Variants in HIVEP3 observed in about 807,000 individuals in gnomAD.
HIVEP3 encodes the protein transcription factor HIVEP3.
HIVEP3 carries 49 observed loss-of-function variants against 152.8 expected under a neutral mutation model. The ratio of observed to expected loss-of-function variants is 0.32; its 90% confidence interval spans 0.26 to 0.41. The LOEUF is 0.41. Ranked by LOEUF, HIVEP3 falls within the 10% of genes least tolerant of loss-of-function variation. The probability of loss-of-function intolerance (pLI) is 1.00; values close to 1 mark genes in which losing one functional copy is unlikely to be tolerated. For synonymous variants in HIVEP3, 1,269 were observed against 1,289.0 expected, an observed-to-expected ratio of 0.98 and a Z score of 0.33; for missense variants, 2,790 against 3,103.3, an observed-to-expected ratio of 0.90 and a Z score of 2.40.
intron 1 of HIVEP3, among the ~76,000 whole-genome samples, chr1:41,769,869 T>C (rs1355766642): frequency 6.6e-6 from 1 of 152,174 alleles, no homozygotes; most frequent in Non-Finnish European, 1.5e-5. Flanking sequence ...AAGTAATAAA[T>C]GAAAAATTGA....
chr1:41,582,453 G>A lies in HIVEP3; in HGVS notation c.2345C>T (p.Ser782Phe). Reference sequence around the variant, plus strand: ...CCTCTCCTTCCCTGATTCTGAACCGGACCCTGGCTTGGGAGTCCTTGGCTG... The same window carrying A: ...CCTCTCCTTCCCTGATTCTGAACCGAACCCTGGCTTGGGAGTCCTTGGCTG... ...GFQPRTPKPG[S>F]GSESGKERRT... Residue 782 changes from serine to phenylalanine, a missense_variant, in exon 4 of 9, where the codon TCC (serine) becomes TTC (phenylalanine). Physicochemically the swap from Ser to Phe is radical, Grantham distance 155. Transcript: ENST00000372583. This position sits in a 1 kb window ranked among gnomAD's most constrained non-coding sequence, Gnocchi z 4.7. The A allele has an allele frequency of 6.2e-7, 1 of 1,614,062 alleles. No homozygotes were observed. The highest frequency in any genetic ancestry group is 2.2e-5 in the East Asian group (1 of 44,884).
chr1:41,647,766 C>A (rs1047359168), intron 2 of HIVEP3, among the ~76,000 whole-genome samples: 1 of 152,260 alleles, frequency 6.6e-6, no homozygotes, highest in African/African-American at 2.4e-5. Context: ...CAAGTCCCTA[C>A]AAAGTCCCAA....
At chr1:41,654,615 T>A (rs1009122472) in intron 2 of HIVEP3, among the ~76,000 whole-genome samples, 1 of 152,254 alleles carries the variant, frequency 6.6e-6, no homozygotes, top group South Asian at 2.1e-4. Context: ...TTAACATTGG[T>A]ACATTACTAG....
At chr1:41,682,994 G>A (rs917253411) in intron 2 of HIVEP3, among the ~76,000 whole-genome samples, 2 of 152,250 alleles carry the variant, frequency 1.3e-5, no homozygotes, top group African/African-American at 4.8e-5. Flanking sequence ...TCTAAACTGG[G>A]TCTTAAATGA....
intron 1 of HIVEP3, among the ~76,000 whole-genome samples, chr1:41,807,206 A>T (rs558082834): frequency 6.6e-6 from 1 of 152,274 alleles, no homozygotes; most frequent in Non-Finnish European, 1.5e-5. Flanking sequence ...CAGGGCCGGC[A>T]TGCCCCCTCC....
chr1:41,834,076 G>A (rs72671251), intron 1 of HIVEP3, among the ~76,000 whole-genome samples: 5,623 of 152,284 alleles, frequency 0.037, 147 homozygotes, highest in Middle Eastern at 0.068. Context: ...CAAGAGGCTG[G>A]AAAGGGCCTC....
At chr1:41,703,407 A>G (rs1477882961) in intron 1 of HIVEP3, among the ~76,000 whole-genome samples, 1 of 152,242 alleles carries the variant, frequency 6.6e-6, no homozygotes, top group Non-Finnish European at 1.5e-5. Flanking sequence ...AGGTAAATGT[A>G]TGAACTCTGA....
chr1:41,843,664 AAAGAG>A (rs1485012086), intron 1 of HIVEP3, among the ~76,000 whole-genome samples: 2 of 152,182 alleles, frequency 1.3e-5, no homozygotes, highest in African/African-American at 2.4e-5. Context: ...TTTAAAAGTA[AAAGAG>A]AAAAGGCTTC....
intron 1 of HIVEP3, among the ~76,000 whole-genome samples, chr1:41,977,693 G>A (rs1348967251): frequency 2.0e-5 from 3 of 152,232 alleles, no homozygotes; most frequent in Non-Finnish European, 4.4e-5. Context: ...ACAGTGCTGT[G>A]AGAGGACCAG....
rs1646352798 is a variant in HIVEP3 at position 41,700,915 on chromosome 1, C to T, written c.-721+1G>A. ...TCCTGTGGGGGATGGGGAGGGCTCA[C>T]CTGCCAAAAACCAGCCGTGGTCTCA... On this transcript the variant is annotated splice_donor_variant, in intron 2 of 8. Coordinates refer to ENST00000372583, the MANE Select transcript of HIVEP3 (RefSeq NM_024503.5). LOFTEE classifies it low-confidence loss of function (5UTR_SPLICE). 3.0e-6 allele frequency: 3 copies of T among 984,382 alleles called. No individual in the cohort carries two copies. Among genetic ancestry groups the T allele is most frequent in the African/African-American group, 3.5e-5 (2 of 57,192 alleles). The allele number at this position is 984,382 out of a possible 1,614,324, so 61.0% of individuals were successfully genotyped here. A position where few individuals can be genotyped will look rare whatever the true frequency, so the allele number is the denominator to read the frequency against.
chr1:41,880,493 C>T (rs1416742297), intron 1 of HIVEP3, among the ~76,000 whole-genome samples: 2 of 152,238 alleles, frequency 1.3e-5, no homozygotes, highest in East Asian at 3.8e-4. Context: ...AAACACACAG[C>T]AGGAGCTCTA....
chr1:41,964,433 C>A (rs1463115755), intron 1 of HIVEP3, among the ~76,000 whole-genome samples: 1 of 152,162 alleles, frequency 6.6e-6, no homozygotes, highest in East Asian at 1.9e-4. Context: ...CCTCATGAGC[C>A]CACACAACCA....
chr1:41,906,676 T>C (rs892061264), intron 1 of HIVEP3, among the ~76,000 whole-genome samples: 1 of 152,166 alleles, frequency 6.6e-6, no homozygotes, highest in Non-Finnish European at 1.5e-5. Flanking sequence ...GTGAATTTTA[T>C]TACATGTAAA....
intron 5 of HIVEP3, among the ~76,000 whole-genome samples, chr1:41,550,363 T>C (rs2149080667): frequency 6.6e-6 from 1 of 152,346 alleles, no homozygotes; most frequent in East Asian, 1.9e-4. Context: ...GTGCGGGCTT[T>C]TTTTTGGTTC....
intron 1 of HIVEP3, among the ~76,000 whole-genome samples, chr1:41,927,976 G>A (rs1165992218): frequency 1.4e-5 from 2 of 143,484 alleles, no homozygotes; most frequent in Admixed American, 1.5e-4. Flanking sequence ...CAGGAGAATC[G>A]CTTGAACCCA....
chr1:41,636,727 A>C (rs1402143043), intron 2 of HIVEP3, among the ~76,000 whole-genome samples: 1 of 152,170 alleles, frequency 6.6e-6, no homozygotes, highest in African/African-American at 2.4e-5. Flanking sequence ...AATATATTTA[A>C]AAATGTGGAT....
At chr1:41,824,770 TATATATATATATATAGAGAG>T (rs1642722872) in intron 1 of HIVEP3, among the ~76,000 whole-genome samples, 1 of 18,210 alleles carries the variant, frequency 5.5e-5, no homozygotes, top group Non-Finnish European at 1.3e-4. Context: ...TATATATATA[TATATATATATATATAGAGAG>T]AGAGAGAGAG....
intron 1 of HIVEP3, among the ~76,000 whole-genome samples, chr1:41,855,372 G>A (rs904354685): frequency 6.6e-6 from 1 of 152,186 alleles, no homozygotes; most frequent in Non-Finnish European, 1.5e-5. Context: ...AAACTAAAGA[G>A]CTTCTGCACA....
intron 1 of HIVEP3, among the ~76,000 whole-genome samples, chr1:41,797,168 T>C (rs1650032012): frequency 6.6e-6 from 1 of 152,198 alleles, no homozygotes; most frequent in Admixed American, 6.5e-5. Context: ...GGAGGGTCCA[T>C]TCCCAGGTCC....
Sources: gnomAD v4.1 joint callset for allele counts (sites outside exome capture counted in the v4.1 genomes callset) on GRCh38, gnomAD v4.1.1 for gene constraint, Gnocchi (gnomAD v3.1) non-coding constraint, MANE v1.5 for transcripts, NCBI Gene and HGNC (gene_info 2026-07-23, HGNC 2026-07-21) for gene names.